The following NRG3 variants were observed in gnomAD, a reference collection of about 807,000 sequenced individuals.
The protein encoded by NRG3 is neuregulin 3.
NRG3 carries 31 observed loss-of-function variants against 66.9 expected under a neutral mutation model. The ratio of observed to expected loss-of-function variants is 0.46; its 90% CI spans 0.35 to 0.63. The LOEUF is 0.63. Among genes scored for constraint, NRG3 ranks in the 20% least tolerant of loss-of-function variants. The probability of loss-of-function intolerance (pLI) is 0.00; values close to 1 mark genes in which losing one functional copy is unlikely to be tolerated. For synonymous variants in NRG3, 393 were observed against 359.4 expected (o/e 1.09, Z -1.06); for missense variants, 910 against 878.9 (o/e 1.04, Z -0.45).
At chr10:82,626,287 T>C (rs533976874) in intron 2 of NRG3, among the ~76,000 whole-genome samples, 24 of 152,258 alleles carry the variant, frequency 1.6e-4, no homozygotes, top group African/African-American at 5.8e-4. Flanking sequence ...ATGAGAACAA[T>C]GATGGCATAG....
rs557995509 is a variant in NRG3, at chr10:82,524,776, ATCT to A, written c.953+165912_953+165914del. ...TTTACAAATGTTTCTTTTTCCAGAG[ATCT>A]TCTCTGATCACTCTGAGTGGAAGTA... On this transcript the variant is annotated intron_variant, in intron 2 of 8. Coordinates refer to ENST00000372141, the MANE Select transcript of NRG3 (RefSeq NM_001010848.4). Among the ~76,000 whole-genome samples the A allele has an allele frequency of 9.3e-4, 142 of 151,984 alleles. 1 individual carries two copies. The Middle Eastern group carries it at 0.01, about 11-fold the overall frequency.
chr10:81,950,198 C>T (rs1190928249), intron 1 of NRG3, among the ~76,000 whole-genome samples: 3 of 152,090 alleles, frequency 2.0e-5, no homozygotes, highest in Non-Finnish European at 4.4e-5. Flanking sequence ...TTTTTCACTC[C>T]CATCTTCACC....
intron 2 of NRG3, among the ~76,000 whole-genome samples, chr10:82,502,355 G>A (rs1041901533): frequency 6.6e-6 from 1 of 152,106 alleles, no homozygotes; most frequent in Non-Finnish European, 1.5e-5. Flanking sequence ...AAAAAAATCA[G>A]TTTAGCAGCA....
At chr10:82,372,354 A>G (rs2135746452) in intron 2 of NRG3, among the ~76,000 whole-genome samples, 1 of 152,298 alleles carries the variant, frequency 6.6e-6, no homozygotes, top group African/African-American at 2.4e-5. Context: ...GGTTCTCACA[A>G]ACATATCAGA....
intron 2 of NRG3, among the ~76,000 whole-genome samples, chr10:82,545,979 C>T (rs1458338492): frequency 6.6e-6 from 1 of 151,134 alleles, no homozygotes; most frequent in Non-Finnish European, 1.5e-5. Flanking sequence ...GGGTGTTAGC[C>T]AGGATAGTCT....
intron 2 of NRG3, among the ~76,000 whole-genome samples, chr10:82,609,711 G>A (rs1031951999): frequency 1.3e-5 from 2 of 152,028 alleles, no homozygotes; most frequent in South Asian, 4.2e-4. Flanking sequence ...TCAATGAAAA[G>A]CCAATGTAAT....
intron 2 of NRG3, among the ~76,000 whole-genome samples, chr10:82,391,424 G>C (rs1002891236): frequency 2.0e-5 from 3 of 152,194 alleles, no homozygotes; most frequent in African/African-American, 7.2e-5. Context: ...TCAACAAAGA[G>C]TCAGCAGGCA....
chr10:82,162,509 C>A (rs2071678203), intron 1 of NRG3, among the ~76,000 whole-genome samples: 1 of 152,110 alleles, frequency 6.6e-6, no homozygotes, highest in Non-Finnish European at 1.5e-5. Flanking sequence ...GTCATCATCT[C>A]ATTCTATTCC....
intron 2 of NRG3, among the ~76,000 whole-genome samples, chr10:82,515,884 T>C (rs550945434): frequency 2.0e-5 from 3 of 152,296 alleles, no homozygotes; most frequent in Non-Finnish European, 4.4e-5. Context: ...GTATGTTTTT[T>C]AATCCTCTCT....
Position 82,961,956 on chromosome 10 carries a change from A to G in NRG3, c.1284+2881A>G, listed in dbSNP as rs551010412. 1.1e-3 allele frequency among the ~76,000 whole-genome samples: 164 copies of G among 152,316 alleles called. 1 individual carries two copies. Among genetic ancestry groups the G allele is most frequent in the African/African-American group, 3.2e-3 (133 of 41,568 alleles). ...TTTTATCTTGAAGCTCATGTTAACT[A>G]CTTGAAATTCTTTGCAAATTGCAGT... On this transcript the variant is annotated intron_variant, in intron 6 of 8. Transcript: ENST00000372141.
At chr10:82,337,696 T>C (rs1165148626) in intron 1 of NRG3, among the ~76,000 whole-genome samples, 1 of 152,214 alleles carries the variant, frequency 6.6e-6, no homozygotes, top group African/African-American at 2.4e-5. Flanking sequence ...TAGTTTTGAT[T>C]TTACTTTACA....
chr10:82,440,975 A>T (rs1460015593), intron 2 of NRG3, among the ~76,000 whole-genome samples: 1 of 152,186 alleles, frequency 6.6e-6, no homozygotes, highest in Non-Finnish European at 1.5e-5. Flanking sequence ...CATATTTTGG[A>T]TTTCTTCCCA....
intron 2 of NRG3, among the ~76,000 whole-genome samples, chr10:82,368,036 A>G (rs11193985): frequency 0.14 from 20,933 of 152,114 alleles, 1,625 homozygotes; most frequent in East Asian, 0.3. Flanking sequence ...ATAAATAAAT[A>G]AAACATATTC....
At chr10:82,787,154 T>A (rs1362988478) in intron 3 of NRG3, among the ~76,000 whole-genome samples, 1 of 152,196 alleles carries the variant, frequency 6.6e-6, no homozygotes, top group East Asian at 1.9e-4. Flanking sequence ...TGCATTCATT[T>A]CAATACTTGC....
At chr10:82,424,119 T>C (rs1421880182) in intron 2 of NRG3, among the ~76,000 whole-genome samples, 2 of 152,068 alleles carry the variant, frequency 1.3e-5, no homozygotes, top group East Asian at 3.8e-4. Context: ...AAAGTTTTTG[T>C]ATGGACATAT....
intron 3 of NRG3, among the ~76,000 whole-genome samples, chr10:82,754,267 T>C (rs1363204678): frequency 6.6e-6 from 1 of 151,472 alleles, no homozygotes; most frequent in East Asian, 1.9e-4. Context: ...TATTTGTACA[T>C]CATTATAATA....
chr10:82,535,325 A>T (rs1224367827), intron 2 of NRG3, among the ~76,000 whole-genome samples: 2 of 151,808 alleles, frequency 1.3e-5, no homozygotes, highest in Admixed American at 1.3e-4. Context: ...TCTGTGCTGG[A>T]TGTAGATATT....
At chr10:82,166,297 G>A (rs1350175676) in intron 1 of NRG3, among the ~76,000 whole-genome samples, 1 of 152,172 alleles carries the variant, frequency 6.6e-6, no homozygotes, top group Non-Finnish European at 1.5e-5. Flanking sequence ...GGGATTACAG[G>A]CATGAGCCAC....
intron 3 of NRG3, among the ~76,000 whole-genome samples, chr10:82,840,229 G>A (rs144849643): frequency 2.6e-5 from 4 of 152,132 alleles, no homozygotes; most frequent in South Asian, 4.2e-4. Context: ...TCAGATATCC[G>A]CGTAGTTAAC....
Sources: allele counts gnomAD v4.1 joint callset (sites outside exome capture counted in the v4.1 genomes callset), GRCh38; gene constraint gnomAD v4.1.1; transcripts MANE v1.5; gene names NCBI Gene and HGNC (gene_info 2026-07-23, HGNC 2026-07-21).